Variants in TUSC3 observed in about 807,000 individuals in gnomAD.
The protein encoded by TUSC3 is dolichyl-diphosphooligosaccharide--protein glycosyltransferase subunit TUSC3.
A neutral mutation model predicts 44.8 loss-of-function variants in TUSC3; 45 were observed. The observed-to-expected ratio is 1.00, with a 90% CI of 0.79 to 1.29. TUSC3 has a LOEUF of 1.29. Ranked by LOEUF, TUSC3 falls within the 50% of genes most tolerant of loss-of-function variation. TUSC3 has a pLI of 0.00. For missense variants in TUSC3, 519 were observed against 437.9 expected (o/e 1.19, Z -1.65); for synonymous variants, 212 against 152.9 (o/e 1.39, Z -2.85).
At chr8:15,801,873 G>T in the TUSC3 span, among the ~76,000 whole-genome samples, 1 of 152,346 alleles carries the variant, frequency 6.6e-6, no homozygotes, top group African/African-American at 2.4e-5. Context: ...GAAGGCTATC[G>T]TGGGGATTTT....
intron 1 of TUSC3, among the ~76,000 whole-genome samples, chr8:15,576,245 T>TTTTC (rs148302376): frequency 7.4e-5 from 7 of 95,150 alleles, no homozygotes; most frequent in Admixed American, 2.6e-4. Context: ...ATCCTCTGCT[T>TTTTC]TTTCTTTCTT....
intron 6 of TUSC3, among the ~76,000 whole-genome samples, chr8:15,705,503 T>C (rs1246373621): frequency 6.6e-6 from 1 of 152,102 alleles, no homozygotes; most frequent in Non-Finnish European, 1.5e-5. Context: ...GAATAAAATA[T>C]TTTCTTGTAT....
intron 6 of TUSC3, among the ~76,000 whole-genome samples, chr8:15,693,302 C>A (rs988164729): frequency 2.0e-5 from 3 of 152,092 alleles, no homozygotes; most frequent in Non-Finnish European, 4.4e-5. Flanking sequence ...ACAGTCTTTT[C>A]TTTCCACATT....
At chr8:15,695,634 C>T (rs1345630375) in intron 6 of TUSC3, among the ~76,000 whole-genome samples, 1 of 152,110 alleles carries the variant, frequency 6.6e-6, no homozygotes, top group Non-Finnish European at 1.5e-5. Flanking sequence ...TAGAAGAAGA[C>T]AGGAAAATGT....
At chr8:15,525,595 A>C (rs1175533798) in intron 2 of TUSC3, among the ~76,000 whole-genome samples, 1 of 152,200 alleles carries the variant, frequency 6.6e-6, no homozygotes, top group Non-Finnish European at 1.5e-5. Context: ...CTGAGAACAA[A>C]AAAGTTTGAG....
the TUSC3 span, among the ~76,000 whole-genome samples, chr8:15,788,620 C>A: frequency 6.6e-6 from 1 of 151,762 alleles, no homozygotes; most frequent in Admixed American, 6.6e-5. Flanking sequence ...AGATCCTCAT[C>A]CAGACTGCCT....
intron 2 of TUSC3, among the ~76,000 whole-genome samples, chr8:15,508,793 A>C (rs180963789): frequency 2.7e-3 from 405 of 152,248 alleles, no homozygotes; most frequent in African/African-American, 9.0e-3. Flanking sequence ...ATAGGAAAAA[A>C]AGTAGGCATT....
In TUSC3 at chr8:15,677,324, C is replaced by T. The variant is rs923255840; in HGVS notation, c.798+3488C>T. Reference sequence around the variant, plus strand: ...TGTAAATGGGTTTTCTTTTACTATGCGTTAGTAAATATGATTTAATCTGTG... The same window carrying T: ...TGTAAATGGGTTTTCTTTTACTATGTGTTAGTAAATATGATTTAATCTGTG... On this transcript the variant is annotated intron_variant, in intron 6 of 10. Transcript: ENST00000503731. Among the ~76,000 whole-genome samples, 5 of 152,180 alleles carry T rather than the reference C, an allele frequency of 3.3e-5. 1 individual carries two copies. The highest frequency in any genetic ancestry group is 2.6e-4 in the Admixed American group (4 of 15,286).
chr8:15,519,686 C>T (rs1039890626), intron 2 of TUSC3, among the ~76,000 whole-genome samples: 3 of 152,100 alleles, frequency 2.0e-5, no homozygotes, highest in Admixed American at 6.6e-5. Context: ...CCCCACCATC[C>T]GTGGGAAAAT....
At chr8:15,818,258 G>C in the TUSC3 span, among the ~76,000 whole-genome samples, 3 of 152,192 alleles carry the variant, frequency 2.0e-5, no homozygotes, top group Non-Finnish European at 2.9e-5. Context: ...GTGATGGAGA[G>C]AGCGTGTATT....
chr8:15,495,178 C>T (rs1800865164), intron 2 of TUSC3, among the ~76,000 whole-genome samples: 1 of 152,160 alleles, frequency 6.6e-6, no homozygotes. Context: ...GGTTGATTTA[C>T]GTATCTTCCA....
intron 2 of TUSC3, 49 bp from the exon 3 acceptor site, chr8:15,650,648 G>C: frequency 6.6e-7 from 1 of 1,520,688 alleles, no homozygotes; most frequent in East Asian, 2.3e-5. Flanking sequence ...CTGCTTTGTA[G>C]ATGCTTCAGT....
chr8:15,788,195 T>C, the TUSC3 span, among the ~76,000 whole-genome samples: 13 of 152,202 alleles, frequency 8.5e-5, no homozygotes, highest in Non-Finnish European at 1.6e-4. Flanking sequence ...TGACCACTAA[T>C]TAAACTAAAT....
intron 1 of TUSC3, among the ~76,000 whole-genome samples, chr8:15,471,848 C>G (rs1163631470): frequency 6.6e-6 from 1 of 152,050 alleles, no homozygotes. Context: ...GAACTCCTGA[C>G]CTCAGGTGAT....
chr8:15,522,529 A>G (rs1801311947), intron 2 of TUSC3, among the ~76,000 whole-genome samples: 8 of 149,872 alleles, frequency 5.3e-5, no homozygotes, highest in Admixed American at 5.3e-4. Context: ...CACCATGCCC[A>G]GCCTATTCAG....
chr8:15,504,899 A>G (rs535329987), intron 2 of TUSC3, among the ~76,000 whole-genome samples: 2 of 151,688 alleles, frequency 1.3e-5, no homozygotes, highest in Non-Finnish European at 2.9e-5. Flanking sequence ...TGATTCGCCC[A>G]CTTCAGCCTC....
the TUSC3 span, among the ~76,000 whole-genome samples, chr8:15,778,255 A>G: frequency 1.3e-5 from 2 of 152,170 alleles, no homozygotes; most frequent in South Asian, 2.1e-4. Flanking sequence ...GAAAACTGCA[A>G]TTCATACTAA....
At chr8:15,624,089 T>C (rs1805381937) in intron 2 of TUSC3, among the ~76,000 whole-genome samples, 1 of 152,234 alleles carries the variant, frequency 6.6e-6, no homozygotes, top group Non-Finnish European at 1.5e-5. Flanking sequence ...CTTTTGGGTT[T>C]GGCTTTTAAA....
At chr8:15,588,504 T>G (rs1228908556) in intron 1 of TUSC3, among the ~76,000 whole-genome samples, 1 of 152,174 alleles carries the variant, frequency 6.6e-6, no homozygotes, top group Non-Finnish European at 1.5e-5. Context: ...TCCCATTCTA[T>G]GGGCTGTCTC....
Sources: gnomAD v4.1 joint callset for allele counts (sites outside exome capture counted in the v4.1 genomes callset) on GRCh38, gnomAD v4.1.1 for gene constraint, MANE v1.5 for transcripts, NCBI Gene and HGNC (gene_info 2026-07-23, HGNC 2026-07-21) for gene names.